Variants in CACNA1D observed in about 807,000 individuals in gnomAD.
CACNA1D encodes the protein voltage-dependent L-type calcium channel subunit alpha-1D.
CACNA1D carries 55 observed loss-of-function variants against 257.1 expected under a neutral mutation model. That is an observed-to-expected ratio of 0.21 (90% CI 0.17 to 0.27). CACNA1D has a LOEUF of 0.27. Among genes scored for constraint, CACNA1D ranks in the 10% least tolerant of loss-of-function variants. CACNA1D has a pLI of 1.00. For synonymous variants in CACNA1D, 980 were observed against 1,014.9 expected, an observed-to-expected ratio of 0.97 and a Z score of 0.65; for missense variants, 1,876 against 2,784.0, an observed-to-expected ratio of 0.67 and a Z score of 7.34.
chr3:53,554,120 C>T lies in CACNA1D; in HGVS notation c.483+52400C>T, dbSNP rs138448479. 9.7e-3 allele frequency among the ~76,000 whole-genome samples: 1,467 copies of T among 151,134 alleles called. 90 individuals carry two copies. In the South Asian group the frequency reaches 0.16, roughly 16 times the overall value. On this transcript the variant is annotated intron_variant, in intron 3 of 47. Coordinates refer to ENST00000350061, the MANE Select transcript of CACNA1D (RefSeq NM_001128840.3). Reference sequence around the variant, plus strand: ...CTGAGGGAGGAGAATGGCGTGAACCCGGGAGGCGGAGCTTGCAGTGAGCCA... The same window carrying T: ...CTGAGGGAGGAGAATGGCGTGAACCTGGGAGGCGGAGCTTGCAGTGAGCCA...
At chr3:53,654,753 A>G (rs989199001) in intron 4 of CACNA1D, among the ~76,000 whole-genome samples, 2 of 152,202 alleles carry the variant, frequency 1.3e-5, no homozygotes, top group Non-Finnish European at 2.9e-5. Context: ...AATATTTACT[A>G]TTCGGCACTT....
At chr3:53,595,614 G>C (rs2093360259) in intron 3 of CACNA1D, among the ~76,000 whole-genome samples, 1 of 152,184 alleles carries the variant, frequency 6.6e-6, no homozygotes. Context: ...TAGACCCACT[G>C]TTGTCCTGGG....
intron 3 of CACNA1D, among the ~76,000 whole-genome samples, chr3:53,633,961 G>A (rs1330579069): frequency 6.6e-6 from 1 of 152,158 alleles, no homozygotes; most frequent in East Asian, 1.9e-4. Context: ...GCTCCGTTTT[G>A]TCTCACTAGG....
At chr3:53,555,547 G>A (rs1438401088) in intron 3 of CACNA1D, among the ~76,000 whole-genome samples, 1 of 144,278 alleles carries the variant, frequency 6.9e-6, no homozygotes, top group Non-Finnish European at 1.5e-5. Flanking sequence ...GAGAGATCTA[G>A]GACTTTCTAA....
intron 3 of CACNA1D, among the ~76,000 whole-genome samples, chr3:53,608,837 G>A (rs2093546816): frequency 1.3e-5 from 2 of 152,260 alleles, no homozygotes; most frequent in Admixed American, 1.3e-4. Flanking sequence ...ACTTGATTGT[G>A]GTGATGGTGC....
intron 3 of CACNA1D, among the ~76,000 whole-genome samples, chr3:53,590,546 A>G (rs190292365): frequency 6.6e-6 from 1 of 152,252 alleles, no homozygotes; most frequent in Non-Finnish European, 1.5e-5. Flanking sequence ...TCCTATAGTC[A>G]GAAACAGCTC....
intron 14 of CACNA1D, among the ~76,000 whole-genome samples, chr3:53,726,596 C>G (rs1464756285): frequency 6.6e-6 from 1 of 152,146 alleles, no homozygotes; most frequent in Non-Finnish European, 1.5e-5. Context: ...GAGATCAAGC[C>G]ACTGCACTCC....
rs1325861160 is a variant in CACNA1D, at chr3:53,803,480, T to C, written c.5493T>C (p.His1831=). 6.2e-7 allele frequency: 1 copy of C among 1,613,930 alleles called. No homozygotes were observed. Among genetic ancestry groups the C allele is most frequent in the Non-Finnish European group, 8.5e-7 (1 of 1,179,866 alleles). ...PTICREDPEI[H]GYFRDPHCLG... is the part of the protein sequence containing the mutation. ...TTTGCCGGGAAGACCCAGAGATACA[T>C]GGCTATTTCAGGGACCCCCACTGCT... Residue 1831 remains histidine (H), a synonymous_variant, in exon 44 of 48, where the codon CAT becomes CAC. Transcript: ENST00000350061.
chr3:53,582,743 C>T (rs2093153530), intron 3 of CACNA1D, among the ~76,000 whole-genome samples: 1 of 152,118 alleles, frequency 6.6e-6, no homozygotes, highest in Non-Finnish European at 1.5e-5. Context: ...TTGTCCAATG[C>T]TATTGGTGCA....
intron 3 of CACNA1D, among the ~76,000 whole-genome samples, chr3:53,524,998 C>T (rs994342424): frequency 4.6e-5 from 7 of 152,150 alleles, no homozygotes; most frequent in African/African-American, 1.7e-4. Flanking sequence ...CTGTGCCCTC[C>T]CACTCGTGCT....
chr3:53,624,441 T>G (rs1352188084), intron 3 of CACNA1D, among the ~76,000 whole-genome samples: 1 of 152,254 alleles, frequency 6.6e-6, no homozygotes, highest in African/African-American at 2.4e-5. Context: ...CTAGTGAGGT[T>G]GGCTCTGCCT....
chr3:53,678,113 C>T (rs138399876), intron 8 of CACNA1D, among the ~76,000 whole-genome samples: 1 of 152,136 alleles, frequency 6.6e-6, no homozygotes, highest in Admixed American at 6.5e-5. Context: ...GTGAAAAGCC[C>T]AAGTTATATT....
At chr3:53,769,921 ATTGACTC>A (rs1346930383) in intron 30 of CACNA1D, 45 bp from the exon 31 acceptor site, 2 of 1,390,636 alleles carry the variant, frequency 1.4e-6, no homozygotes, top group African/African-American at 2.8e-5. Context: ...CTCTGGAACC[ATTGACTC>A]CTTCCTGGTT....
At chr3:53,809,267 C>T (rs1307887945) in intron 46 of CACNA1D, 2 of 167,526 alleles carry the variant, frequency 1.2e-5, no homozygotes, top group African/African-American at 2.4e-5. Context: ...AGTTTGCCCA[C>T]GTTGAGGGCG....
Position 53,497,224 on chromosome 3 carries a change from A to G in CACNA1D, c.140A>G (p.Lys47Arg). 1 of 1,614,176 alleles carries G rather than the reference A, an allele frequency of 6.2e-7. No individual in the cohort carries two copies. The highest frequency in any genetic ancestry group is 8.5e-7 in the Non-Finnish European group (1 of 1,180,036). The change falls in exon 2 of 48, where the codon AAG (lysine) becomes AGG (arginine). Residue 47 changes from lysine to arginine, a missense_variant. Lys to Arg is a conservative substitution (Grantham distance 26). Transcript: ENST00000350061. ...CCAACTTCTCAGCCGAATAGCTCCA[A>G]GCAAACTGTCCTGTCTTGGCAAGCT... is the stretch of plus-strand genomic sequence containing the variant. Reference protein sequence around the residue: ...EGPTSQPNSSKQTVLSWQAAI... With the variant: ...EGPTSQPNSSRQTVLSWQAAI...
At chr3:53,650,738 G>A (rs1367589433) in intron 3 of CACNA1D, 41 bp from the exon 4 acceptor site, 44 of 1,609,194 alleles carry the variant, frequency 2.7e-5, no homozygotes, top group Non-Finnish European at 3.5e-5. Context: ...TTCCTCCCCT[G>A]CCCCTGCTTT....
At chr3:53,715,506 G>T (rs923028939) in intron 9 of CACNA1D, among the ~76,000 whole-genome samples, 8 of 152,078 alleles carry the variant, frequency 5.3e-5, no homozygotes, top group African/African-American at 1.9e-4. Flanking sequence ...ACACTGGATT[G>T]GTCGCTTTGC....
rs551140405 is a variant in CACNA1D, at chr3:53,793,370, T to C, written c.4923+6418T>C. 1.3e-5 allele frequency among the ~76,000 whole-genome samples: 2 copies of C among 152,330 alleles called. No individual in the cohort carries two copies. Among genetic ancestry groups the C allele is most frequent in the East Asian group, 3.9e-4 (2 of 5,184 alleles). On this transcript the variant is annotated intron_variant, in intron 40 of 47. Transcript: ENST00000350061. The surrounding 1 kb of genome is among the most constrained non-coding windows in gnomAD (Gnocchi z 4.1). ...GGGTCCGTCAGTCCCTCTGTCTGTCTTTGACCCACCCGACGTTGAGTTGAT... is the reference window on the plus strand; with the variant it reads ...GGGTCCGTCAGTCCCTCTGTCTGTCCTTGACCCACCCGACGTTGAGTTGAT...
chr3:53,806,817 A>G (rs2106860602), intron 45 of CACNA1D, among the ~76,000 whole-genome samples: 2 of 152,092 alleles, frequency 1.3e-5, no homozygotes, highest in South Asian at 4.2e-4. Flanking sequence ...AAATGAAGTC[A>G]CTCCTTTCCC....
Sources: allele counts gnomAD v4.1 joint callset (sites outside exome capture counted in the v4.1 genomes callset), GRCh38; gene constraint gnomAD v4.1.1; non-coding constraint Gnocchi (gnomAD v3.1); transcripts MANE v1.5; gene names NCBI Gene and HGNC (gene_info 2026-07-23, HGNC 2026-07-21).